The following SAMD12 variants were observed in gnomAD, a reference collection of about 807,000 sequenced individuals.
The protein encoded by SAMD12 is sterile alpha motif domain containing 12, also known as sterile alpha motif domain-containing protein 12.
SAMD12 carries 9 observed loss-of-function variants against 15.0 expected under a neutral mutation model. The ratio of observed to expected loss-of-function variants is 0.60; its 90% CI spans 0.36 to 1.05. SAMD12 has a LOEUF of 1.05. Among genes scored for constraint, SAMD12 ranks in the 50% least tolerant of loss-of-function variants. SAMD12 has a pLI of 0.01. For synonymous variants in SAMD12, 86 were observed against 90.1 expected (o/e 0.96, Z 0.25); for missense variants, 230 against 234.2 (o/e 0.98, Z 0.12).
At chr8:118,295,046 T>C (rs576188727) in intron 4 of SAMD12, among the ~76,000 whole-genome samples, 107 of 152,324 alleles carry the variant, frequency 7.0e-4, no homozygotes, top group Middle Eastern at 3.4e-3. Context: ...AACTTCTTTT[T>C]TTTTTACGTG....
intron 4 of SAMD12, among the ~76,000 whole-genome samples, chr8:118,257,816 G>A (rs187330699): frequency 1.1e-4 from 17 of 152,146 alleles, no homozygotes; most frequent in Admixed American, 7.9e-4. Flanking sequence ...AAAAAATGCA[G>A]CAAATCAAAT....
chr8:118,188,736 T>C (rs575965231), downstream of SAMD12, among the ~76,000 whole-genome samples: 7 of 152,162 alleles, frequency 4.6e-5, no homozygotes, highest in South Asian at 1.0e-3. Flanking sequence ...AGGAAAATGG[T>C]CAATTTTTTA....
intron 3 of SAMD12, among the ~76,000 whole-genome samples, chr8:118,432,811 G>A (rs1280015651): frequency 6.6e-6 from 1 of 152,036 alleles, no homozygotes; most frequent in Admixed American, 6.6e-5. Flanking sequence ...GCTTAGAGGA[G>A]GAGGGAGTAT....
chr8:118,594,133 C>A (rs1827656817), intron 1 of SAMD12, among the ~76,000 whole-genome samples: 3 of 151,924 alleles, frequency 2.0e-5, no homozygotes, highest in South Asian at 4.1e-4. Context: ...GATAAATCAG[C>A]TCTGGTAAAG....
chr8:118,427,467 C>T (rs1014414054), intron 3 of SAMD12, among the ~76,000 whole-genome samples: 1 of 152,134 alleles, frequency 6.6e-6, no homozygotes, highest in East Asian at 1.9e-4. Flanking sequence ...CTTTTACCCC[C>T]TACTCCAGGC....
chr8:118,189,946 G>GAAAAAAAAAAA (rs895075538), exon 5 of SAMD12: 4 of 69,044 alleles, frequency 5.8e-5, no homozygotes, highest in Admixed American at 3.3e-4. Flanking sequence ...ATGCACAGAG[G>GAAAAAAAAAAA]AAAAAAAAAA....
intron 4 of SAMD12, among the ~76,000 whole-genome samples, chr8:118,346,454 G>A (rs1352514142): frequency 2.6e-5 from 4 of 152,174 alleles, no homozygotes; most frequent in South Asian, 4.2e-4. Flanking sequence ...ATGAGCCTTC[G>A]GAACCCTAAC....
chr8:118,134,061 C>T, the SAMD12 span, among the ~76,000 whole-genome samples: 2 of 152,160 alleles, frequency 1.3e-5, no homozygotes, highest in African/African-American at 4.8e-5. Flanking sequence ...TTGGTTGGTA[C>T]TGAGGTTACT....
chr8:118,214,308 C>T (rs1327159201), intron 4 of SAMD12, among the ~76,000 whole-genome samples: 1 of 152,228 alleles, frequency 6.6e-6, no homozygotes, highest in East Asian at 1.9e-4. Flanking sequence ...TTTAGACAGA[C>T]ACCAAGTGTA....
chr8:118,518,579 C>A (rs1825307358), intron 2 of SAMD12, among the ~76,000 whole-genome samples: 1 of 152,148 alleles, frequency 6.6e-6, no homozygotes, highest in Non-Finnish European at 1.5e-5. Context: ...ACTTTCTATG[C>A]TATCAACAAA....
At chr8:118,343,371 A>G (rs1028375148) in intron 4 of SAMD12, among the ~76,000 whole-genome samples, 1 of 141,548 alleles carries the variant, frequency 7.1e-6, no homozygotes, top group Non-Finnish European at 1.5e-5. Context: ...GGAGGGGGGG[A>G]ATCGTTTTGG....
chr8:118,244,251 G>C (rs1812637846), intron 4 of SAMD12, among the ~76,000 whole-genome samples: 1 of 152,054 alleles, frequency 6.6e-6, no homozygotes, highest in Non-Finnish European at 1.5e-5. Flanking sequence ...AATATTAGCA[G>C]GTTAGAAAAT....
intron 2 of SAMD12, among the ~76,000 whole-genome samples, chr8:118,539,251 T>C (rs1825928726): frequency 6.6e-6 from 1 of 152,212 alleles, no homozygotes; most frequent in Non-Finnish European, 1.5e-5. Context: ...AGAATTCCAT[T>C]ATTATTCAGT....
chr8:118,363,336 T>C (rs777646698), intron 4 of SAMD12, among the ~76,000 whole-genome samples: 7 of 152,124 alleles, frequency 4.6e-5, no homozygotes, highest in Middle Eastern at 3.2e-3. Context: ...AATTGGTAAA[T>C]AGAGTTAGGC....
chr8:118,237,311 C>A (rs993046943), intron 4 of SAMD12, among the ~76,000 whole-genome samples: 1 of 152,118 alleles, frequency 6.6e-6, no homozygotes, highest in African/African-American at 2.4e-5. Context: ...TGTTGGGATA[C>A]ACTAATGAGT....
chr8:118,237,434 A>C, intron 4 of SAMD12, among the ~76,000 whole-genome samples: 1 of 152,184 alleles, frequency 6.6e-6, no homozygotes, highest in East Asian at 1.9e-4. Context: ...GATTCGAAGG[A>C]GCAACCCTTC....
chr8:118,566,147 A>G (rs1309009779), intron 2 of SAMD12, among the ~76,000 whole-genome samples: 1 of 152,124 alleles, frequency 6.6e-6, no homozygotes, highest in Admixed American at 6.6e-5. Flanking sequence ...GATCTCCCCA[A>G]TATCATTCTG....
chr8:118,262,341 C>T (rs965098486), intron 4 of SAMD12, among the ~76,000 whole-genome samples: 3 of 152,092 alleles, frequency 2.0e-5, no homozygotes, highest in Admixed American at 1.3e-4. Context: ...CACACATTTT[C>T]AAATACAAAG....
chr8:118,387,429 A>G (rs1180017138), intron 3 of SAMD12, among the ~76,000 whole-genome samples: 1 of 150,736 alleles, frequency 6.6e-6, no homozygotes, highest in African/African-American at 2.5e-5. Flanking sequence ...TTGATTGGCC[A>G]CCACTTCTTT....
Sources: gnomAD v4.1 joint callset for allele counts (sites outside exome capture counted in the v4.1 genomes callset) on GRCh38, gnomAD v4.1.1 for gene constraint, MANE v1.5 for transcripts, NCBI Gene and HGNC (gene_info 2026-07-23, HGNC 2026-07-21) for gene names.